The following NRXN3 variants were observed in gnomAD, a reference collection of about 807,000 sequenced individuals.
NRXN3 encodes the protein neurexin 3, also known as neurexin III.
A neutral mutation model predicts 137.6 loss-of-function variants in NRXN3; 32 were observed. The ratio of observed to expected loss-of-function variants is 0.23; its 90% CI spans 0.18 to 0.31. NRXN3 has a LOEUF of 0.31. Ranked by LOEUF, NRXN3 falls within the 10% of genes least tolerant of loss-of-function variation. The pLI, the probability that NRXN3 is intolerant of heterozygous loss-of-function variation, is 1.00. For missense variants in NRXN3, 1,574 were observed against 2,062.5 expected (o/e 0.76, Z 4.59); for synonymous variants, 798 against 784.5 (o/e 1.02, Z -0.29).
intron 10 of NRXN3, among the ~76,000 whole-genome samples, chr14:78,821,434 G>A (rs773831679): frequency 6.6e-6 from 1 of 152,066 alleles, no homozygotes; most frequent in East Asian, 1.9e-4. Flanking sequence ...CCCAGAATCC[G>A]AGGAGAAGGA....
At chr14:79,181,201 T>C (rs955953914) in intron 15 of NRXN3, among the ~76,000 whole-genome samples, 1 of 152,116 alleles carries the variant, frequency 6.6e-6, no homozygotes, top group Non-Finnish European at 1.5e-5. Flanking sequence ...CTTTGACCTT[T>C]TGATCTTTAT....
intron 4 of NRXN3, among the ~76,000 whole-genome samples, chr14:78,352,842 G>A (rs551765751): frequency 6.6e-6 from 1 of 152,320 alleles, no homozygotes; most frequent in South Asian, 2.1e-4. Context: ...GCTCTGCAAA[G>A]GCACAGAAGT....
chr14:78,487,003 C>T (rs2095571011), intron 4 of NRXN3, among the ~76,000 whole-genome samples: 1 of 152,052 alleles, frequency 6.6e-6, no homozygotes, highest in Admixed American at 6.6e-5. Context: ...AAGAGGTGCC[C>T]AAGAGCAGAC....
intron 15 of NRXN3, among the ~76,000 whole-genome samples, chr14:79,155,700 A>C (rs1030849036): frequency 6.6e-6 from 1 of 151,614 alleles, no homozygotes. Context: ...GTCCTCATTT[A>C]AAAAAAATAA....
intron 15 of NRXN3, among the ~76,000 whole-genome samples, chr14:79,205,003 T>A (rs1308515643): frequency 6.6e-6 from 1 of 152,212 alleles, no homozygotes; most frequent in Non-Finnish European, 1.5e-5. Context: ...TTTCCCTTTG[T>A]GCTTAGTAAA....
chr14:78,905,326 G>C (rs1377019684), intron 10 of NRXN3, among the ~76,000 whole-genome samples: 1 of 152,012 alleles, frequency 6.6e-6, no homozygotes, highest in Non-Finnish European at 1.5e-5. Context: ...CTGGTCCTAA[G>C]TCATATGTTC....
At chr14:78,208,089 C>T (rs2062385455) in intron 1 of NRXN3, among the ~76,000 whole-genome samples, 1 of 152,048 alleles carries the variant, frequency 6.6e-6, no homozygotes, top group South Asian at 2.1e-4. Flanking sequence ...AATTTTCTCA[C>T]GTATAAAATG....
At chr14:78,309,292 G>GT (rs67568638) in intron 4 of NRXN3, among the ~76,000 whole-genome samples, 32,745 of 147,776 alleles carry the variant, frequency 0.22, 3,737 homozygotes, top group Admixed American at 0.27. Context: ...CGCTAATAAT[G>GT]TTTTTTTTTT....
intron 15 of NRXN3, among the ~76,000 whole-genome samples, chr14:79,234,210 T>G (rs1434640072): frequency 1.3e-5 from 2 of 148,418 alleles, no homozygotes; most frequent in Non-Finnish European, 3.0e-5. Flanking sequence ...ATTAGACTGC[T>G]GGTTCCCAAA....
chr14:78,554,547 G>A (rs867855254), intron 4 of NRXN3, among the ~76,000 whole-genome samples: 3 of 152,120 alleles, frequency 2.0e-5, no homozygotes, highest in African/African-American at 4.8e-5. Flanking sequence ...TTAGTGGCCC[G>A]AAAATCTGCC....
At chr14:79,083,143 A>G (rs1196882114) in intron 15 of NRXN3, among the ~76,000 whole-genome samples, 1 of 152,232 alleles carries the variant, frequency 6.6e-6, no homozygotes, top group African/African-American at 2.4e-5. Flanking sequence ...ATGTTGTACT[A>G]AGTCTAAGCT....
intron 19 of NRXN3, among the ~76,000 whole-genome samples, chr14:79,757,503 C>T (rs540490705): frequency 3.3e-5 from 5 of 152,160 alleles, no homozygotes; most frequent in Non-Finnish European, 7.3e-5. Context: ...TATAAATTCT[C>T]CCTGCAGTTT....
intron 6 of NRXN3, among the ~76,000 whole-genome samples, chr14:78,694,727 A>G (rs899461558): frequency 6.6e-6 from 1 of 151,914 alleles, no homozygotes; most frequent in East Asian, 1.9e-4. Flanking sequence ...GATGCATCCT[A>G]GGAGTGGATT....
At chr14:79,232,164 G>T (rs1004601784) in intron 15 of NRXN3, among the ~76,000 whole-genome samples, 11 of 152,072 alleles carry the variant, frequency 7.2e-5, no homozygotes, top group Admixed American at 2.6e-4. Flanking sequence ...TCCTGCTTTT[G>T]TCTGGCTGTG....
chr14:79,279,986 T>C, intron 15 of NRXN3: 1 of 1,173,360 alleles, frequency 8.5e-7, no homozygotes, highest in Non-Finnish European at 1.1e-6. Flanking sequence ...GCGCCGGTCT[T>C]CCCCTGACAT....
At chr14:79,748,892 G>C (rs1473407559) in intron 19 of NRXN3, among the ~76,000 whole-genome samples, 2 of 151,712 alleles carry the variant, frequency 1.3e-5, no homozygotes, top group Non-Finnish European at 2.9e-5. Context: ...TGCAAACATT[G>C]TGATTGTGGC....
intron 4 of NRXN3, among the ~76,000 whole-genome samples, chr14:78,556,284 T>C (rs1368726185): frequency 2.0e-5 from 3 of 152,238 alleles, no homozygotes; most frequent in Non-Finnish European, 4.4e-5. Context: ...AAATTGGAAA[T>C]TGCTCTTTGT....
At chr14:79,334,800 A>G (rs2153342794) in intron 15 of NRXN3, among the ~76,000 whole-genome samples, 1 of 152,284 alleles carries the variant, frequency 6.6e-6, no homozygotes, top group Non-Finnish European at 1.5e-5. Flanking sequence ...ATAAATCAGT[A>G]GAGTTGTGAG....
At chr14:78,971,455 CAGAT>C (rs1463267013) in intron 14 of NRXN3, among the ~76,000 whole-genome samples, 2 of 151,006 alleles carry the variant, frequency 1.3e-5, no homozygotes, top group Non-Finnish European at 2.9e-5. Context: ...CACACACACA[CAGAT>C]AGATAAGTAT....
Sources: allele counts gnomAD v4.1 joint callset (sites outside exome capture counted in the v4.1 genomes callset), GRCh38; gene constraint gnomAD v4.1.1; transcripts MANE v1.5; gene names NCBI Gene and HGNC (gene_info 2026-07-23, HGNC 2026-07-21).